The following LMNTD1 variants were observed in gnomAD, a reference collection of about 807,000 sequenced individuals.
LMNTD1 encodes the protein lamin tail domain-containing protein 1.
Under a neutral mutation model 50.9 loss-of-function variants are expected in LMNTD1, and 35 were observed. The ratio of observed to expected loss-of-function variants is 0.69; its 90% CI spans 0.53 to 0.91. LMNTD1 has a LOEUF of 0.91. LMNTD1 is among the 40% of genes least tolerant of loss of function. LMNTD1 has a pLI of 0.00. For missense variants in LMNTD1, 470 were observed against 475.5 expected (o/e 0.99, Z 0.11); for synonymous variants, 153 against 161.9 (o/e 0.94, Z 0.42).
chr12:25,578,637 C>T (rs1261257342), intron 1 of LMNTD1, among the ~76,000 whole-genome samples: 1 of 152,180 alleles, frequency 6.6e-6, no homozygotes, highest in African/African-American at 2.4e-5. Context: ...TGAACCAAAA[C>T]TTGGCAATTC....
chr12:25,527,095 A>G (rs1029357019), intron 4 of LMNTD1, 140 bp from the exon 5 acceptor site: 50 of 507,324 alleles, frequency 9.9e-5, no homozygotes, highest in Non-Finnish European at 1.1e-4. Context: ...TAGGAATAGT[A>G]TATTTTGTAA....
At chr12:25,483,701 G>A (rs1353814970) in intron 9 of LMNTD1, among the ~76,000 whole-genome samples, 1 of 151,626 alleles carries the variant, frequency 6.6e-6, no homozygotes, top group Non-Finnish European at 1.5e-5. Flanking sequence ...GAACTCAGGA[G>A]GCGGAAGTTG....
At chr12:25,572,728 AACCCC>A (rs1287165139) in intron 1 of LMNTD1, among the ~76,000 whole-genome samples, 1 of 151,832 alleles carries the variant, frequency 6.6e-6, no homozygotes, top group Non-Finnish European at 1.5e-5. Context: ...AAAAGCAAAA[AACCCC>A]TCAGAGCTAC....
intron 1 of LMNTD1, among the ~76,000 whole-genome samples, chr12:25,577,393 G>T (rs937360905): frequency 4.6e-5 from 7 of 152,130 alleles, no homozygotes; most frequent in Admixed American, 3.9e-4. Context: ...CCTCCTTGAA[G>T]AGGTCCTTCA....
At chr12:25,558,517 AT>A (rs771704006) in intron 1 of LMNTD1, among the ~76,000 whole-genome samples, 6 of 152,076 alleles carry the variant, frequency 3.9e-5, no homozygotes, top group Non-Finnish European at 8.8e-5. Flanking sequence ...TAATTTCCTC[AT>A]TGACTCACTG....
At chr12:25,546,795 C>T (rs1021958573) in intron 3 of LMNTD1, among the ~76,000 whole-genome samples, 1 of 151,568 alleles carries the variant, frequency 6.6e-6, no homozygotes, top group African/African-American at 2.4e-5. Context: ...TTATCTTAAA[C>T]AATAAATTAT....
intron 1 of LMNTD1, among the ~76,000 whole-genome samples, chr12:25,603,239 C>G (rs17338759): frequency 0.28 from 42,574 of 151,872 alleles, 7,493 homozygotes; most frequent in East Asian, 0.8. Context: ...CTATCAGGAA[C>G]ATGTGTGTTG....
intron 1 of LMNTD1, among the ~76,000 whole-genome samples, chr12:25,573,005 C>A (rs920440429): frequency 6.6e-6 from 1 of 152,056 alleles, no homozygotes; most frequent in African/African-American, 2.4e-5. Flanking sequence ...CCTTCTGCAG[C>A]ACTGACATGA....
chr12:25,629,892 C>A lies in LMNTD1; in HGVS notation c.58+18602G>T, dbSNP rs548515491. Among the ~76,000 whole-genome samples the A allele has an allele frequency of 8.5e-5, 13 of 152,246 alleles. No individual in the cohort carries two copies. In the South Asian group the frequency reaches 2.7e-3, roughly 32 times the overall value. ...GCCACAAAACTCACCCCAAAGAGAT[C>A]TGACTTTAATTAGATCAGACTGTGA... On this transcript the variant is annotated intron_variant, in intron 1 of 7. Coordinates refer to the LMNTD1 transcript ENST00000445693.
intron 1 of LMNTD1, among the ~76,000 whole-genome samples, chr12:25,644,189 C>T (rs780365402): frequency 3.3e-5 from 5 of 151,662 alleles, no homozygotes; most frequent in Admixed American, 6.6e-5. Context: ...TAAGTAGAAG[C>T]TTGAAGCCAG....
chr12:25,591,968 T>C (rs760904770), intron 1 of LMNTD1, among the ~76,000 whole-genome samples: 24 of 152,204 alleles, frequency 1.6e-4, no homozygotes, highest in Non-Finnish European at 3.1e-4. Flanking sequence ...TCTATGAGTC[T>C]GCAAGAACCA....
chr12:25,591,811 C>CAGAGAGAGAGAGAGAGAG lies in LMNTD1; in HGVS notation c.59-45275_59-45258dup, dbSNP rs58392351. ...ACCTCCAGCTCCTAATAGCTCAGAACAGAGAGAGAGAGAGAGAGAGAGAGA... is the reference window on the plus strand; with the variant it reads ...ACCTCCAGCTCCTAATAGCTCAGAACAGAGAGAGAGAGAGAGAGAGAGAGAGAGAGAGAGAGAGAGAGA... On this transcript the variant is annotated intron_variant, in intron 1 of 7. Transcript: ENST00000445693. Among the ~76,000 whole-genome samples the CAGAGAGAGAGAGAGAGAG allele has an allele frequency of 2.8e-3, 254 of 90,052 alleles. 10 individuals are homozygous for CAGAGAGAGAGAGAGAGAG. The highest frequency in any genetic ancestry group is 4.8e-3 in the Admixed American group (41 of 8,622). The allele number at this position is 90,052 out of a possible 152,430, so 59.1% of individuals were successfully genotyped here.
At chr12:25,578,776 G>A (rs984481620) in intron 1 of LMNTD1, among the ~76,000 whole-genome samples, 4 of 152,134 alleles carry the variant, frequency 2.6e-5, no homozygotes, top group Admixed American at 6.6e-5. Context: ...CTGTCTCAGC[G>A]ATCTTTGCAA....
intron 9 of LMNTD1, among the ~76,000 whole-genome samples, chr12:25,480,540 G>A (rs1044917127): frequency 2.0e-5 from 3 of 152,154 alleles, no homozygotes; most frequent in Non-Finnish European, 4.4e-5. Flanking sequence ...ATAGACCTGG[G>A]CTTTTCTGTC....
chr12:25,598,004 A>T (rs1397901222), intron 1 of LMNTD1, among the ~76,000 whole-genome samples: 1 of 152,080 alleles, frequency 6.6e-6, no homozygotes, highest in Non-Finnish European at 1.5e-5. Flanking sequence ...GTCATAGTGA[A>T]TAAGTCTCAT....
At chr12:25,524,368 G>A (rs1591903075) in intron 6 of LMNTD1, among the ~76,000 whole-genome samples, 5 of 152,276 alleles carry the variant, frequency 3.3e-5, no homozygotes, top group African/African-American at 1.2e-4. Context: ...GGATCAATCA[G>A]TCAGGTTTAG....
intron 9 of LMNTD1, among the ~76,000 whole-genome samples, chr12:25,495,268 G>GTGTGTGTGTGTGTGTGTGTGTGTGTGTT (rs1939023432): frequency 6.6e-6 from 1 of 151,700 alleles, no homozygotes; most frequent in African/African-American, 2.4e-5. Flanking sequence ...GTGTGTGTGT[G>GTGTGTGTGTGTGTGTGTGTGTGTGTGTT]TGTGTGTGTG....
chr12:25,627,961 A>G (rs1326059044), intron 1 of LMNTD1, among the ~76,000 whole-genome samples: 1 of 151,226 alleles, frequency 6.6e-6, no homozygotes, highest in African/African-American at 2.4e-5. Flanking sequence ...TACAAAAATT[A>G]GCCGGGCATG....
intron 1 of LMNTD1, among the ~76,000 whole-genome samples, chr12:25,637,680 T>C (rs1223286781): frequency 6.6e-6 from 1 of 152,106 alleles, no homozygotes; most frequent in Admixed American, 6.5e-5. Flanking sequence ...TTATATTCAA[T>C]ATATAAAGAA....
Sources: allele counts gnomAD v4.1 joint callset (sites outside exome capture counted in the v4.1 genomes callset), GRCh38; gene constraint gnomAD v4.1.1; transcripts MANE v1.5; gene names NCBI Gene and HGNC (gene_info 2026-07-23, HGNC 2026-07-21).